Variants in ENTHD1 observed in about 807,000 individuals in gnomAD.
ENTHD1 encodes the protein ENTH domain containing 1, also known as ENTH domain-containing protein 1.
In ENTHD1, 23 loss-of-function variants were observed where a neutral mutation model predicts 39.1. That is an observed-to-expected ratio of 0.59 (90% CI 0.42 to 0.83). The LOEUF is 0.83. Among genes scored for constraint, ENTHD1 ranks in the 40% least tolerant of loss-of-function variants. The pLI is 0.00. For missense variants in ENTHD1, 624 were observed against 705.4 expected, an observed-to-expected ratio of 0.88 and a Z score of 1.31; for synonymous variants, 230 against 258.2, an observed-to-expected ratio of 0.89 and a Z score of 1.05.
chr22:39,797,901 T>G (rs555426111), intron 5 of ENTHD1, among the ~76,000 whole-genome samples: 2 of 152,254 alleles, frequency 1.3e-5, no homozygotes, highest in Admixed American at 1.3e-4. Flanking sequence ...GGTTATAGTG[T>G]GTCATGAAGA....
chr22:39,833,474 G>C (rs1015421104), intron 4 of ENTHD1, among the ~76,000 whole-genome samples: 29 of 151,580 alleles, frequency 1.9e-4, no homozygotes, highest in African/African-American at 6.8e-4. Context: ...AAATAAAAAG[G>C]GATATAAGTA....
At chr22:39,846,483 T>C (rs912625033) in intron 3 of ENTHD1, among the ~76,000 whole-genome samples, 1 of 152,228 alleles carries the variant, frequency 6.6e-6, no homozygotes, top group Admixed American at 6.5e-5. Context: ...AGAAGCTCTT[T>C]AGTTTAATTA....
chr22:39,858,766 A>G (rs1464496949), intron 3 of ENTHD1, among the ~76,000 whole-genome samples: 1 of 152,224 alleles, frequency 6.6e-6, no homozygotes, highest in Non-Finnish European at 1.5e-5. Flanking sequence ...TAATATTTTT[A>G]AAGAAATCTT....
intron 2 of ENTHD1, among the ~76,000 whole-genome samples, chr22:39,865,926 C>T (rs986093215): frequency 6.6e-6 from 1 of 152,318 alleles, no homozygotes; most frequent in East Asian, 1.9e-4. Context: ...GAAATGCTTG[C>T]ATTTTCTCTT....
intron 1 of ENTHD1, among the ~76,000 whole-genome samples, chr22:39,889,083 T>C (rs1384558488): frequency 6.6e-6 from 1 of 152,240 alleles, no homozygotes; most frequent in Non-Finnish European, 1.5e-5. Flanking sequence ...TAATTCATGG[T>C]ACCCTAAAAC....
At chr22:39,787,883 G>A (rs1446229278) in intron 5 of ENTHD1, among the ~76,000 whole-genome samples, 1 of 152,214 alleles carries the variant, frequency 6.6e-6, no homozygotes, top group Non-Finnish European at 1.5e-5. Context: ...TTTCAATGTA[G>A]ATGAAACAGG....
intron 4 of ENTHD1, among the ~76,000 whole-genome samples, chr22:39,831,919 T>TTAATAAATTAAATGTTATCAAGAATA (rs1402645855): frequency 6.6e-6 from 1 of 152,166 alleles, no homozygotes; most frequent in Non-Finnish European, 1.5e-5. Flanking sequence ...ACATTTAATT[T>TTAATAAATTAAATGTTATCAAGAATA]ACCGGAATAA....
chr22:39,769,017 T>TAC (rs113386949), intron 5 of ENTHD1, among the ~76,000 whole-genome samples: 49 of 150,578 alleles, frequency 3.3e-4, no homozygotes, highest in African/African-American at 4.9e-4. Context: ...TGTACATATA[T>TAC]ACACACTAAC....
intron 3 of ENTHD1, among the ~76,000 whole-genome samples, chr22:39,841,625 T>A (rs1417899868): frequency 2.0e-5 from 3 of 151,646 alleles, no homozygotes; most frequent in African/African-American, 7.3e-5. Flanking sequence ...TGAGCCTATG[T>A]GTGTCTCTGC....
chr22:39,863,856 C>T (rs74661448), intron 2 of ENTHD1, among the ~76,000 whole-genome samples: 11,277 of 152,272 alleles, frequency 0.074, 473 homozygotes, highest in South Asian at 0.13. Flanking sequence ...CACTGCGGGT[C>T]ACTTCATTAA....
At chr22:39,811,700 C>A (rs1471026610) in intron 5 of ENTHD1, among the ~76,000 whole-genome samples, 1 of 152,196 alleles carries the variant, frequency 6.6e-6, no homozygotes, top group Non-Finnish European at 1.5e-5. Flanking sequence ...TAGATGAGGG[C>A]TGGGTGTGAT....
intron 2 of ENTHD1, among the ~76,000 whole-genome samples, chr22:39,876,864 A>C (rs562487671): frequency 2.0e-5 from 3 of 152,328 alleles, no homozygotes; most frequent in African/African-American, 7.2e-5. Flanking sequence ...TCAAGGTATT[A>C]ATCATTCATT....
intron 6 of ENTHD1, among the ~76,000 whole-genome samples, chr22:39,749,768 C>T (rs572976966): frequency 3.9e-5 from 6 of 152,296 alleles, no homozygotes; most frequent in African/African-American, 9.6e-5. Flanking sequence ...TCCTCGGGAC[C>T]GGTGATAGGT....
intron 5 of ENTHD1, 128 bp from the exon 6 acceptor site, chr22:39,765,737 T>C: frequency 1.0e-6 from 1 of 954,598 alleles, no homozygotes; most frequent in South Asian, 1.9e-5. Context: ...TTTAGCCCTC[T>C]GCTTTCTTAC....
At chr22:39,830,030 A>G (rs1260836886) in intron 4 of ENTHD1, among the ~76,000 whole-genome samples, 1 of 151,998 alleles carries the variant, frequency 6.6e-6, no homozygotes, top group Non-Finnish European at 1.5e-5. Flanking sequence ...ACAGACACAC[A>G]TCACTATGCC....
intron 5 of ENTHD1, among the ~76,000 whole-genome samples, chr22:39,768,040 T>TAA (rs2065291428): frequency 6.6e-6 from 1 of 152,128 alleles, no homozygotes; most frequent in Non-Finnish European, 1.5e-5. Flanking sequence ...TGATTTGAAA[T>TAA]GGATAGTACA....
intron 6 of ENTHD1, among the ~76,000 whole-genome samples, chr22:39,752,983 TGTG>T (rs2065158847): frequency 6.6e-6 from 1 of 152,072 alleles, no homozygotes; most frequent in Non-Finnish European, 1.5e-5. Context: ...TAATGGGTCT[TGTG>T]TGTGTGTGTC....
intron 5 of ENTHD1, among the ~76,000 whole-genome samples, chr22:39,795,550 C>T (rs2065541729): frequency 1.3e-5 from 2 of 151,792 alleles, no homozygotes. Context: ...ATTTCAGCCT[C>T]CCAAGTAGTT....
chr22:39,850,177 A>G (rs866903747), intron 3 of ENTHD1, among the ~76,000 whole-genome samples: 72 of 152,326 alleles, frequency 4.7e-4, no homozygotes, highest in Middle Eastern at 3.4e-3. Context: ...TTTTGAAATT[A>G]TCTACTATGA....
Sources: gnomAD v4.1 joint callset for allele counts (sites outside exome capture counted in the v4.1 genomes callset) on GRCh38, gnomAD v4.1.1 for gene constraint, MANE v1.5 for transcripts, NCBI Gene and HGNC (gene_info 2026-07-23, HGNC 2026-07-21) for gene names.